The following AGBL4 variants were observed in gnomAD, a reference collection of about 807,000 sequenced individuals.
AGBL4 encodes cytosolic carboxypeptidase 6.
In AGBL4, 58 loss-of-function variants were observed where a neutral mutation model predicts 66.4. The observed-to-expected ratio is 0.87, with a 90% CI of 0.71 to 1.09. The LOEUF (loss-of-function observed/expected upper bound fraction) is 1.09, where lower values mean the gene tolerates loss of function less well. AGBL4 is among the 50% of genes least tolerant of loss of function. AGBL4 has a pLI of 0.00. For missense variants in AGBL4, 579 were observed against 631.0 expected (o/e 0.92, Z 0.88); for synonymous variants, 234 against 222.9 (o/e 1.05, Z -0.44).
At chr1:49,598,285 T>G (rs938795657) in intron 3 of AGBL4, among the ~76,000 whole-genome samples, 9 of 152,210 alleles carry the variant, frequency 5.9e-5, no homozygotes, top group African/African-American at 1.9e-4. Flanking sequence ...GAGGAGGAGA[T>G]GCGCTCTGCT....
chr1:49,644,345 T>A (rs535709788), intron 3 of AGBL4, among the ~76,000 whole-genome samples: 2 of 151,566 alleles, frequency 1.3e-5, no homozygotes, highest in Non-Finnish European at 3.0e-5. Flanking sequence ...ACACTCTAAC[T>A]AAAAGGAAGA....
intron 1 of AGBL4, among the ~76,000 whole-genome samples, chr1:49,938,744 C>G (rs1221393784): frequency 6.6e-6 from 1 of 152,086 alleles, no homozygotes. Context: ...AAGACAAAAA[C>G]CACATGATTA....
chr1:49,283,105 A>G (rs568670739), intron 3 of AGBL4, among the ~76,000 whole-genome samples: 1 of 152,346 alleles, frequency 6.6e-6, no homozygotes, highest in African/African-American at 2.4e-5. Flanking sequence ...TAACCTCTGC[A>G]GACTTAAATG....
Position 48,736,142 on chromosome 1 carries a change from G to T in AGBL4, c.635-72901C>A. 1 of 1,385,374 alleles carries T rather than the reference G, an allele frequency of 7.2e-7. No homozygotes were observed. The highest frequency in any genetic ancestry group is 1.0e-6 in the Non-Finnish European group (1 of 984,090). The allele number at this position is 1,385,374 out of a possible 1,614,324, so 85.8% of individuals were successfully genotyped here. On this transcript the variant is annotated intron_variant, in intron 6 of 13. Transcript: ENST00000371839. The surrounding 1 kb of genome is among the most constrained non-coding windows in gnomAD (Gnocchi z 4.0). ...TCAGCCCAGGGTCTGGCATGCAGAAGCTTCATAAGTAATCGTTGAATTGAA... is the reference window on the plus strand; with the variant it reads ...TCAGCCCAGGGTCTGGCATGCAGAATCTTCATAAGTAATCGTTGAATTGAA...
At chr1:48,646,002 C>T (rs2148430981) in intron 8 of AGBL4, among the ~76,000 whole-genome samples, 1 of 152,262 alleles carries the variant, frequency 6.6e-6, no homozygotes. Context: ...TGGCTGAAGG[C>T]TACCATGTGA....
At chr1:48,537,222 C>T (rs1643987696) in intron 12 of AGBL4, among the ~76,000 whole-genome samples, 1 of 152,074 alleles carries the variant, frequency 6.6e-6, no homozygotes, top group Admixed American at 6.5e-5. Flanking sequence ...CAATCTAGAG[C>T]TAAATGGTGC....
intron 3 of AGBL4, among the ~76,000 whole-genome samples, chr1:49,408,623 T>C (rs1474259940): frequency 6.6e-6 from 1 of 152,196 alleles, no homozygotes; most frequent in Non-Finnish European, 1.5e-5. Flanking sequence ...ACTTGCTGAG[T>C]CTTAGGGCCT....
intron 4 of AGBL4, among the ~76,000 whole-genome samples, chr1:49,094,037 T>C (rs1270764532): frequency 6.6e-6 from 1 of 152,184 alleles, no homozygotes; most frequent in Non-Finnish European, 1.5e-5. Flanking sequence ...ACTTTTCGCA[T>C]AGTTTTGTGA....
intron 6 of AGBL4, among the ~76,000 whole-genome samples, chr1:48,684,028 T>G (rs1229331574): frequency 2.6e-5 from 4 of 152,208 alleles, no homozygotes; most frequent in Admixed American, 2.6e-4. Context: ...TCTGCAGGCA[T>G]TCAGAATCTG....
At chr1:49,177,770 G>C (rs928603624) in intron 4 of AGBL4, among the ~76,000 whole-genome samples, 1 of 152,100 alleles carries the variant, frequency 6.6e-6, no homozygotes, top group Non-Finnish European at 1.5e-5. Flanking sequence ...ATTGAGGAGT[G>C]GGGAGGGCAT....
chr1:48,944,223 G>A (rs1656258541), intron 5 of AGBL4, among the ~76,000 whole-genome samples: 1 of 151,996 alleles, frequency 6.6e-6, no homozygotes, highest in Non-Finnish European at 1.5e-5. Context: ...GACAGAGGTG[G>A]CTCAGTCTTC....
intron 6 of AGBL4, among the ~76,000 whole-genome samples, chr1:48,831,258 G>T (rs1454774246): frequency 6.6e-6 from 1 of 152,110 alleles, no homozygotes; most frequent in Non-Finnish European, 1.5e-5. Flanking sequence ...GGCCCTCTGG[G>T]CTGGAAGAAC....
chr1:48,959,274 A>C (rs1317860647), intron 5 of AGBL4, among the ~76,000 whole-genome samples: 1 of 152,212 alleles, frequency 6.6e-6, no homozygotes, highest in Non-Finnish European at 1.5e-5. Flanking sequence ...GAATAAATAT[A>C]AAATATGAGA....
At chr1:49,369,291 A>C (rs1644296121) in intron 3 of AGBL4, among the ~76,000 whole-genome samples, 1 of 152,224 alleles carries the variant, frequency 6.6e-6, no homozygotes, top group Non-Finnish European at 1.5e-5. Context: ...CAGCTTTTAA[A>C]AAACTATTCA....
intron 9 of AGBL4, among the ~76,000 whole-genome samples, chr1:48,602,655 A>G (rs2148366223): frequency 6.6e-6 from 1 of 152,272 alleles, no homozygotes; most frequent in South Asian, 2.1e-4. Flanking sequence ...TGCTGAAATT[A>G]TGTACTTTAT....
chr1:49,316,405 G>A (rs552887878), intron 3 of AGBL4, among the ~76,000 whole-genome samples: 41 of 151,668 alleles, frequency 2.7e-4, no homozygotes, highest in African/African-American at 7.5e-4. Context: ...AATTTTTTCC[G>A]TAAATCAAAA....
intron 1 of AGBL4, chr1:49,994,965 C>G (rs765644041): frequency 3.1e-4 from 113 of 362,814 alleles, no homozygotes; most frequent in Non-Finnish European, 4.8e-4. Flanking sequence ...ATAGAGGAAG[C>G]AGAGGAAAGA....
At chr1:49,819,639 G>T (rs1645317408) in intron 2 of AGBL4, among the ~76,000 whole-genome samples, 1 of 152,176 alleles carries the variant, frequency 6.6e-6, no homozygotes. Context: ...GCTAATCTGT[G>T]CTGGTAAATG....
chr1:49,323,116 T>C, intron 3 of AGBL4, among the ~76,000 whole-genome samples: 1 of 152,330 alleles, frequency 6.6e-6, no homozygotes, highest in African/African-American at 2.4e-5. Flanking sequence ...ACAGTTTTGA[T>C]TGTAAACACA....
Sources: allele counts gnomAD v4.1 joint callset (sites outside exome capture counted in the v4.1 genomes callset), GRCh38; gene constraint gnomAD v4.1.1; non-coding constraint Gnocchi (gnomAD v3.1); transcripts MANE v1.5; gene names NCBI Gene and HGNC (gene_info 2026-07-23, HGNC 2026-07-21).